ZNF423: variants seen among roughly 807,000 people sequenced by gnomAD.
The protein encoded by ZNF423 is zinc finger protein 423, also known as Ebf-associated zinc finger protein.
Under a neutral mutation model 95.8 loss-of-function variants are expected in ZNF423, and 12 were observed. That is an observed-to-expected ratio of 0.13 (90% CI 0.08 to 0.20). ZNF423 has a LOEUF of 0.20. ZNF423 is among the 10% of genes least tolerant of loss of function. The probability of loss-of-function intolerance (pLI) is 1.00; values close to 1 mark genes in which losing one functional copy is unlikely to be tolerated. For missense variants in ZNF423, 1,316 were observed against 1,737.1 expected (o/e 0.76, Z 4.31); for synonymous variants, 749 against 711.9 (o/e 1.05, Z -0.83).
At position 49,488,917 on chromosome 16, in the gene ZNF423, G is replaced by T. The variant is rs908265915; in HGVS notation, c.*2358C>A. 6.6e-6 allele frequency: 1 copy of T among 152,616 alleles called. No homozygotes were observed. Among genetic ancestry groups the T allele is most frequent in the South Asian group, 2.1e-4 (1 of 4,824 alleles). 9.5% of individuals were successfully genotyped at this position (152,616 alleles called of 1,614,324 possible). Reference sequence around the variant, plus strand: ...GGGACAGAGCCAGCCGGAGAACAATGCGGCCGGGGTGAGGGGGGAGTCGGT... The same window carrying T: ...GGGACAGAGCCAGCCGGAGAACAATTCGGCCGGGGTGAGGGGGGAGTCGGT... On this transcript the variant is annotated 3_prime_UTR_variant, in exon 8 of 8. Coordinates refer to ENST00000563137, the MANE Select transcript of ZNF423 (RefSeq NM_001379286.1).
intron 3 of ZNF423, among the ~76,000 whole-genome samples, chr16:49,660,531 C>T (rs906730508): frequency 2.6e-5 from 4 of 152,186 alleles, no homozygotes; most frequent in African/African-American, 9.7e-5. Flanking sequence ...ATAAGCCTGA[C>T]CTGACCACCC....
intron 5 of ZNF423, among the ~76,000 whole-genome samples, chr16:49,527,136 C>A (rs1012010956): frequency 6.6e-6 from 1 of 152,142 alleles, no homozygotes; most frequent in African/African-American, 2.4e-5. Flanking sequence ...CCCAGCCATC[C>A]CCCGCACCCC....
chr16:49,566,395 T>C (rs1392437355), intron 5 of ZNF423, among the ~76,000 whole-genome samples: 2 of 152,182 alleles, frequency 1.3e-5, no homozygotes, highest in South Asian at 4.1e-4. Context: ...CTGGAGCAGA[T>C]GGGTGCAGCC....
At chr16:49,779,921 G>A (rs1281387236) in intron 2 of ZNF423, among the ~76,000 whole-genome samples, 4 of 152,168 alleles carry the variant, frequency 2.6e-5, no homozygotes, top group East Asian at 1.9e-4. Flanking sequence ...GGGCTTGCTG[G>A]GGCAGATGGT....
intron 1 of ZNF423, among the ~76,000 whole-genome samples, chr16:49,835,739 G>C (rs192354448): frequency 1.3e-5 from 2 of 152,170 alleles, no homozygotes; most frequent in South Asian, 4.1e-4. Flanking sequence ...AGGAGGTGGT[G>C]GGGGGGCAGA....
chr16:49,739,348 A>G (rs1378610585), intron 2 of ZNF423, among the ~76,000 whole-genome samples: 1 of 152,178 alleles, frequency 6.6e-6, no homozygotes, highest in Non-Finnish European at 1.5e-5. Flanking sequence ...GTCTGGCAGG[A>G]GGCCTCACAT....
chr16:49,731,870 G>A (rs2033177726), intron 2 of ZNF423, among the ~76,000 whole-genome samples: 2 of 152,142 alleles, frequency 1.3e-5, no homozygotes, highest in South Asian at 2.1e-4. Flanking sequence ...GTTAGAATCA[G>A]TCGTGGAATG....
intron 3 of ZNF423, among the ~76,000 whole-genome samples, chr16:49,707,476 G>T (rs893763463): frequency 3.3e-5 from 5 of 151,976 alleles, no homozygotes; most frequent in African/African-American, 1.2e-4. Flanking sequence ...AAATAGCCAG[G>T]TATGGTGGCA....
At chr16:49,554,418 A>G (rs568475758) in intron 5 of ZNF423, among the ~76,000 whole-genome samples, 11 of 151,900 alleles carry the variant, frequency 7.2e-5, no homozygotes, top group Admixed American at 4.6e-4. Context: ...AATCCCAACT[A>G]CCTCCTAAAC....
chr16:49,548,702 C>T (rs1454114329), intron 5 of ZNF423, among the ~76,000 whole-genome samples: 3 of 152,156 alleles, frequency 2.0e-5, no homozygotes, highest in Non-Finnish European at 2.9e-5. Context: ...ACAAAGCCTT[C>T]CCCTGACATC....
chr16:49,664,864 G>C (rs1487899337), intron 3 of ZNF423, among the ~76,000 whole-genome samples: 1 of 152,244 alleles, frequency 6.6e-6, no homozygotes, highest in Non-Finnish European at 1.5e-5. Flanking sequence ...CGAGATCGGG[G>C]GTGGCCCCTG....
chr16:49,673,567 C>T (rs1475968314), intron 3 of ZNF423, among the ~76,000 whole-genome samples: 2 of 152,224 alleles, frequency 1.3e-5, no homozygotes, highest in South Asian at 2.1e-4. Context: ...GGCATCTTTC[C>T]TCAGAAACCC....
At chr16:49,628,332 C>T (rs1972379948) in intron 4 of ZNF423, among the ~76,000 whole-genome samples, 1 of 151,474 alleles carries the variant, frequency 6.6e-6, no homozygotes, top group Non-Finnish European at 1.5e-5. Context: ...TCCATCTACC[C>T]ACGCATCCAT....
intron 5 of ZNF423, among the ~76,000 whole-genome samples, chr16:49,561,663 C>T (rs1264164848): frequency 2.6e-5 from 4 of 152,170 alleles, no homozygotes; most frequent in Non-Finnish European, 4.4e-5. Flanking sequence ...AAATTTGCTG[C>T]ACTTGTATTT....
intron 5 of ZNF423, among the ~76,000 whole-genome samples, chr16:49,571,962 T>C (rs1369587035): frequency 6.6e-6 from 1 of 152,188 alleles, no homozygotes; most frequent in Non-Finnish European, 1.5e-5. Context: ...CATTCTTCCA[T>C]CCAAAAAATA....
At chr16:49,621,295 T>C (rs1359114017) in intron 5 of ZNF423, among the ~76,000 whole-genome samples, 1 of 152,086 alleles carries the variant, frequency 6.6e-6, no homozygotes, top group Non-Finnish European at 1.5e-5. Flanking sequence ...TCATTCTCCA[T>C]GCGGAGGGGG....
chr16:49,529,756 T>A (rs1169699439), intron 5 of ZNF423, among the ~76,000 whole-genome samples: 1 of 152,108 alleles, frequency 6.6e-6, no homozygotes, highest in Non-Finnish European at 1.5e-5. Flanking sequence ...GGGCACACAT[T>A]CGGAGGCCAT....
At chr16:49,616,834 G>C (rs1971891681) in intron 5 of ZNF423, among the ~76,000 whole-genome samples, 3 of 152,098 alleles carry the variant, frequency 2.0e-5, no homozygotes, top group African/African-American at 7.2e-5. Flanking sequence ...GGCTTAGCAT[G>C]GCCGGTTTTT....
At chr16:49,674,706 G>T (rs527934396) in intron 3 of ZNF423, among the ~76,000 whole-genome samples, 1 of 152,198 alleles carries the variant, frequency 6.6e-6, no homozygotes, top group Non-Finnish European at 1.5e-5. Context: ...GCAGAGGGGC[G>T]GAACGGGGCT....
Sources: gnomAD v4.1 joint callset for allele counts (sites outside exome capture counted in the v4.1 genomes callset) on GRCh38, gnomAD v4.1.1 for gene constraint, MANE v1.5 for transcripts, NCBI Gene and HGNC (gene_info 2026-07-23, HGNC 2026-07-21) for gene names.